IST1: variants seen among roughly 807,000 people sequenced by gnomAD.
IST1 encodes IST1 homolog.
IST1 carries 23 observed loss-of-function variants against 37.0 expected under a neutral mutation model. That is an observed-to-expected ratio of 0.62 (90% CI 0.45 to 0.88). The LOEUF (loss-of-function observed/expected upper bound fraction) is 0.88. IST1 is among the 40% of genes least tolerant of loss of function. IST1 has a pLI of 0.00. For missense variants in IST1, 488 were observed against 445.4 expected, an observed-to-expected ratio of 1.10 and a Z score of -0.86; for synonymous variants, 180 against 161.7, an observed-to-expected ratio of 1.11 and a Z score of -0.86.
intron 4 of IST1, among the ~76,000 whole-genome samples, 154 bp from the exon 5 acceptor site, chr16:71,920,585 C>T (rs772606797): frequency 6.6e-6 from 1 of 152,112 alleles, no homozygotes; most frequent in Non-Finnish European, 1.5e-5. Flanking sequence ...GATGGATGAA[C>T]AAATAGTGGA....
Position 71,930,022 on chromosome 16 carries a change from A to C in IST1, c.*2209A>C. Reference sequence around the variant, plus strand: ...AGTGGAGCTTTCCCAGTGATATAACAGCATGCTAGTTTATCTTTTAGTTAC... The same window carrying C: ...AGTGGAGCTTTCCCAGTGATATAACCGCATGCTAGTTTATCTTTTAGTTAC... On this transcript the variant is annotated 3_prime_UTR_variant, in exon 10 of 10. Transcript: ENST00000378799. 6.5e-7 allele frequency: 1 copy of C among 1,538,138 alleles called. No homozygotes were observed. The highest frequency in any genetic ancestry group is 8.8e-7 in the Non-Finnish European group (1 of 1,141,022).
At chr16:71,901,698 G>A (rs570404867) in intron 1 of IST1, among the ~76,000 whole-genome samples, 2 of 152,136 alleles carry the variant, frequency 1.3e-5, no homozygotes, top group Non-Finnish European at 2.9e-5. Flanking sequence ...AAATAGTTTA[G>A]CAAATTGCTT....
intron 1 of IST1, chr16:71,903,408 C>T (rs1182808391): frequency 6.6e-6 from 1 of 151,762 alleles, no homozygotes; most frequent in Non-Finnish European, 1.5e-5. Flanking sequence ...ATTTTTTTCA[C>T]TTGAAGCTTT....
intron 1 of IST1, among the ~76,000 whole-genome samples, chr16:71,909,877 T>C (rs144597185): frequency 1.3e-5 from 2 of 152,352 alleles, no homozygotes; most frequent in African/African-American, 4.8e-5. Flanking sequence ...AGAGCCATAC[T>C]CAGGAATATT....
At chr16:71,922,782 G>A in intron 7 of IST1, 102 bp downstream of exon 7, 2 of 942,938 alleles carry the variant, frequency 2.1e-6, no homozygotes, top group Non-Finnish European at 3.3e-6. Flanking sequence ...GGAGCCATTA[G>A]CAGTAAGAAC....
At chr16:71,924,280 T>TG (rs1022262307) in intron 8 of IST1, 23 of 424,104 alleles carry the variant, frequency 5.4e-5, no homozygotes, top group African/African-American at 3.3e-4. Context: ...TGTCTTAGTA[T>TG]GGTAAGGATT....
intron 7 of IST1, chr16:71,922,955 G>GT: frequency 2.0e-6 from 1 of 510,176 alleles, no homozygotes; most frequent in Non-Finnish European, 3.5e-6. Context: ...CATACTAGTA[G>GT]TTTTTTCCAC....
chr16:71,923,942 G>GT (rs1478528208), intron 8 of IST1: 1 of 324,546 alleles, frequency 3.1e-6, no homozygotes, highest in Non-Finnish European at 6.1e-6. Flanking sequence ...TGTTTCTTCA[G>GT]TTACTGTAGG....
At chr16:71,921,320 G>T in intron 5 of IST1, 23 bp from the exon 6 acceptor site, 1 of 1,452,938 alleles carries the variant, frequency 6.9e-7, no homozygotes, top group Non-Finnish European at 9.7e-7. Flanking sequence ...ATGCATCTTA[G>T]CCCTGGGTCT....
At chr16:71,909,886 T>C (rs987411838) in intron 1 of IST1, among the ~76,000 whole-genome samples, 1 of 152,214 alleles carries the variant, frequency 6.6e-6, no homozygotes, top group Non-Finnish European at 1.5e-5. Context: ...CTCAGGAATA[T>C]TTTTTGTACC....
In IST1 at chr16:71,923,276, C is replaced by G; in HGVS notation, c.760-12C>G. 6.4e-7 allele frequency: 1 copy of G among 1,572,434 alleles called. No homozygotes were observed. Among genetic ancestry groups the G allele is most frequent in the Non-Finnish European group, 8.7e-7 (1 of 1,144,672 alleles). On this transcript the variant is annotated splice_polypyrimidine_tract_variant and intron_variant, in intron 7 of 9. Coordinates refer to ENST00000378799, the MANE Select transcript of IST1 (RefSeq NM_001270975.2). The stretch of plus-strand genomic sequence containing the variant: ...AGGCAGTGTCTCTGATGTTGCCTTT[C>G]TCCTCTTACAGTCAGATTTCAATGG...
In IST1 at chr16:71,916,478, A is replaced by G. The variant is rs2037469234; in HGVS notation, c.105A>G (p.Lys35=). The change falls in exon 3 of 10, where the codon AAA becomes AAG. Residue 35 remains lysine (K), a synonymous_variant. Transcript: ENST00000378799. ...LEKKKTELAQ[K]ARKEIADYLA... The stretch of plus-strand genomic sequence containing the variant: ...GTGTCTTAGCGGAACTGGCCCAGAA[A>G]GCAAGGAAGGAGATTGCTGACTATC... 1 of 1,612,364 alleles carries G rather than the reference A, an allele frequency of 6.2e-7. No individual in the cohort carries two copies. The highest frequency in any genetic ancestry group is 8.5e-7 in the Non-Finnish European group (1 of 1,179,820).
In IST1 at chr16:71,916,557, G is replaced by C; in HGVS notation, c.184G>C (p.Glu62Gln). The C allele has an allele frequency of 6.2e-7, 1 of 1,613,984 alleles. No individual in the cohort carries two copies. The highest frequency in any genetic ancestry group is 8.5e-7 in the Non-Finnish European group (1 of 1,179,870). ...GATCCGTGTGGAGCACATTATCCGG[G>C]AAGACTACCTCGTGGAGGCCATGGA... ...ARIRVEHIIR[E>Q]DYLVEAMEIL... The change falls in exon 3 of 10, where the codon GAA (glutamate) becomes CAA (glutamine). Residue 62 changes from glutamate to glutamine, a missense_variant. By Grantham distance (29) the Glu-to-Gln change is conservative. Transcript: ENST00000378799.
upstream of IST1, chr16:71,894,585 A>C: frequency 2.5e-6 from 1 of 402,470 alleles, no homozygotes. Flanking sequence ...GAGTGCTGTG[A>C]CGTGATCACG....
chr16:71,930,173 A>G lies in IST1; in HGVS notation c.*2360A>G, dbSNP rs1352513730. 6.5e-7 allele frequency: 1 copy of G among 1,543,346 alleles called. No homozygotes were observed. Among genetic ancestry groups the G allele is most frequent in the Admixed American group, 2.1e-5 (1 of 48,072 alleles). On this transcript the variant is annotated 3_prime_UTR_variant, in exon 10 of 10. Coordinates refer to ENST00000378799, the MANE Select transcript of IST1 (RefSeq NM_001270975.2). ...CAGAAAGGTGCCCAGGACTGGGTCT[A>G]AAGCGAAAACCTGGGAAAACAATAA...
At chr16:71,895,626 T>C in intron 1 of IST1, 37 bp downstream of exon 1, 1 of 860,476 alleles carries the variant, frequency 1.2e-6, no homozygotes, top group Non-Finnish European at 1.4e-6. Context: ...GGTCTCTGTC[T>C]TCCTCTTCTC....
intron 2 of IST1, 71 bp downstream of exon 2, chr16:71,915,799 G>A (rs2037454341): frequency 9.8e-6 from 9 of 915,370 alleles, no homozygotes; most frequent in Middle Eastern, 2.2e-4. Flanking sequence ...GGTCTTTCAG[G>A]CCAGTACTAT....
chr16:71,922,783 C>T, intron 7 of IST1, 103 bp downstream of exon 7: 1 of 918,838 alleles, frequency 1.1e-6, no homozygotes, highest in Middle Eastern at 2.2e-4. Flanking sequence ...GAGCCATTAG[C>T]AGTAAGAACA....
chr16:71,908,015 G>C (rs987141660), intron 1 of IST1, among the ~76,000 whole-genome samples: 2 of 152,110 alleles, frequency 1.3e-5, no homozygotes, highest in African/African-American at 4.8e-5. Flanking sequence ...TGTGATCTCA[G>C]TCCACTTCAC....
Sources: gnomAD v4.1 joint callset for allele counts (sites outside exome capture counted in the v4.1 genomes callset) on GRCh38, gnomAD v4.1.1 for gene constraint, MANE v1.5 for transcripts, NCBI Gene and HGNC (gene_info 2026-07-23, HGNC 2026-07-21) for gene names.